The following MARK3 variants were observed in gnomAD, a reference collection of about 807,000 sequenced individuals.
The protein encoded by MARK3 is microtubule affinity regulating kinase 3.
In MARK3, 46 loss-of-function variants were observed where a neutral mutation model predicts 90.1. The observed-to-expected ratio is 0.51, with a 90% CI of 0.40 to 0.65. MARK3 has a LOEUF of 0.65. MARK3 is among the 30% of genes least tolerant of loss of function. The probability of loss-of-function intolerance (pLI) is 0.00; values close to 1 mark genes in which losing one functional copy is unlikely to be tolerated. For missense variants in MARK3, 818 were observed against 947.2 expected, an observed-to-expected ratio of 0.86 and a Z score of 1.79; for synonymous variants, 321 against 332.6, an observed-to-expected ratio of 0.97 and a Z score of 0.38.
At chr14:103,426,065 G>A (rs1038721373) in intron 2 of MARK3, among the ~76,000 whole-genome samples, 1 of 152,164 alleles carries the variant, frequency 6.6e-6, no homozygotes, top group East Asian at 1.9e-4. Context: ...GGAGTCTGCC[G>A]AGTCAAAACT....
chr14:103,401,254 C>T (rs531845228), intron 1 of MARK3, among the ~76,000 whole-genome samples: 19 of 152,196 alleles, frequency 1.2e-4, no homozygotes, highest in South Asian at 8.3e-4. Context: ...TTAAGGACTT[C>T]GTCAAGAAAC....
chr14:103,491,029 C>T (rs910525692), intron 14 of MARK3: 2 of 1,288,326 alleles, frequency 1.6e-6, no homozygotes, highest in African/African-American at 3.0e-5. Flanking sequence ...CATCAGAAGT[C>T]GATGTCCATG....
chr14:103,457,825 T>C (rs1007986209), intron 6 of MARK3, among the ~76,000 whole-genome samples: 2 of 152,250 alleles, frequency 1.3e-5, no homozygotes, highest in African/African-American at 2.4e-5. Context: ...AGGACTGTTA[T>C]ATCCATTTGC....
chr14:103,467,952 G>A lies in MARK3; in HGVS notation c.1111-81G>A, dbSNP rs74521165. The A allele has an allele frequency of 7.7e-4, 1,064 of 1,385,594 alleles. 13 individuals carry two copies. In the East Asian group the frequency reaches 0.022, roughly 29 times the overall value. The allele number at this position is 1,385,594 out of a possible 1,614,324, so 85.8% of individuals were successfully genotyped here. ...TGAATGAACGGTTTATGAGAGGTCT[G>A]TGTTAATGAAAAGTTTAACTTCCTA... On this transcript the variant is annotated intron_variant, in intron 11 of 17. Transcript: ENST00000429436.
chr14:103,386,534 G>A (rs541885970), intron 1 of MARK3: 11 of 386,426 alleles, frequency 2.8e-5, no homozygotes, highest in Admixed American at 3.3e-5. Context: ...CAAGTGGGCG[G>A]TCTCGTTCTT....
At position 103,467,066 on chromosome 14, in the gene MARK3, G is replaced by T. The variant is rs750389876; in HGVS notation, c.998-13G>T. 3 of 1,172,102 alleles carry T rather than the reference G, an allele frequency of 2.6e-6. No individual in the cohort carries two copies. The highest frequency in any genetic ancestry group is 1.5e-5 in the African/African-American group (1 of 65,038). 72.6% of individuals were successfully genotyped at this position (1,172,102 alleles called of 1,614,324 possible). ...AAACAAAACACATAAACTGTATTAT[G>T]CCCTTCTTTTAGATATTATGGTGGG... On this transcript the variant is annotated splice_polypyrimidine_tract_variant and intron_variant, in intron 10 of 17. Coordinates refer to ENST00000429436, the MANE Select transcript of MARK3 (RefSeq NM_001128918.3).
intron 1 of MARK3, among the ~76,000 whole-genome samples, chr14:103,389,789 C>A (rs1217476178): frequency 1.4e-5 from 2 of 147,656 alleles, no homozygotes; most frequent in South Asian, 2.2e-4. Context: ...ACTAAAAATA[C>A]AAAAATTAGC....
Position 103,458,477 on chromosome 14 carries a change from A to C in MARK3, c.483+1265A>C, listed in dbSNP as rs1238585010. 1.7e-4 allele frequency among the ~76,000 whole-genome samples: 19 copies of C among 113,502 alleles called. 1 individual carries two copies. The highest frequency in any genetic ancestry group is 6.2e-4 in the African/African-American group (19 of 30,704). 74.5% of individuals were successfully genotyped at this position (113,502 alleles called of 152,430 possible). ...CTCAAAAAAAAAAAAAAAAAAAAAG[A>C]AGCAGCAGCTGTAGACAATACCAAA... On this transcript the variant is annotated intron_variant, in intron 6 of 17. Transcript: ENST00000429436.
In MARK3 at chr14:103,465,958, G is replaced by A. The variant is rs142980698; in HGVS notation, c.778-14G>A. 4 of 1,609,652 alleles carry A rather than the reference G, an allele frequency of 2.5e-6. No individual in the cohort carries two copies. The highest frequency in any genetic ancestry group is 3.4e-5 in the Admixed American group (2 of 58,876). On this transcript the variant is annotated splice_polypyrimidine_tract_variant and intron_variant, in intron 8 of 17. Coordinates refer to ENST00000429436, the MANE Select transcript of MARK3 (RefSeq NM_001128918.3). ...TTGACTTACTCGTTTTCTTTCCTCT[G>A]TACCTCTCCAAAGGAACTGAGAGAG...
At chr14:103,432,697 AT>A (rs1434793163) in intron 3 of MARK3, among the ~76,000 whole-genome samples, 1 of 152,136 alleles carries the variant, frequency 6.6e-6, no homozygotes, top group East Asian at 1.9e-4. Context: ...CAAAAAAAAA[AT>A]TAAATAAATT....
chr14:103,464,292 T>TC (rs2093460820), intron 7 of MARK3, among the ~76,000 whole-genome samples: 1 of 4,524 alleles, frequency 2.2e-4, no homozygotes, highest in Non-Finnish European at 7.1e-4. Context: ...TTTGTCTCTT[T>TC]TTTTTTTTTT....
intron 1 of MARK3, among the ~76,000 whole-genome samples, chr14:103,390,511 C>T (rs953842314): frequency 6.6e-6 from 1 of 151,904 alleles, no homozygotes; most frequent in Admixed American, 6.6e-5. Flanking sequence ...CTTTTGGCTT[C>T]CCCGGGCCAC....
chr14:103,415,193 A>G (rs2091892635), intron 2 of MARK3, among the ~76,000 whole-genome samples: 2 of 146,824 alleles, frequency 1.4e-5, no homozygotes, highest in Non-Finnish European at 3.0e-5. Flanking sequence ...ATGAAAAACT[A>G]TATGTTCGTT....
At chr14:103,413,758 A>C (rs1260656022) in intron 2 of MARK3, among the ~76,000 whole-genome samples, 2 of 152,036 alleles carry the variant, frequency 1.3e-5, no homozygotes, top group Non-Finnish European at 2.9e-5. Context: ...ACGCCTGGTC[A>C]GTTGTCTTTT....
At chr14:103,460,865 A>G (rs554860757) in intron 6 of MARK3, among the ~76,000 whole-genome samples, 10 of 152,356 alleles carry the variant, frequency 6.6e-5, no homozygotes, top group African/African-American at 2.4e-4. Flanking sequence ...GAATAGAACA[A>G]TAGTGATAAA....
Position 103,503,530 on chromosome 14 carries a change from G to T in MARK3, c.*303G>T. 2.8e-6 allele frequency: 1 copy of T among 351,708 alleles called. No individual in the cohort carries two copies. The highest frequency in any genetic ancestry group is 3.8e-5 in the South Asian group (1 of 26,252). The allele number at this position is 351,708 out of a possible 1,614,324, so 21.8% of individuals were successfully genotyped here. Reference sequence around the variant, plus strand: ...AGAGTGGACGGTATGTGTGTGAAGTGGTGTATATGGAAGCATCTCCCTACA... The same window carrying T: ...AGAGTGGACGGTATGTGTGTGAAGTTGTGTATATGGAAGCATCTCCCTACA... On this transcript the variant is annotated 3_prime_UTR_variant, in exon 18 of 18. Transcript: ENST00000429436.
At chr14:103,458,454 CAAAAAAAAAAA>C (rs36020485) in intron 6 of MARK3, among the ~76,000 whole-genome samples, 13 of 30,776 alleles carry the variant, frequency 4.2e-4, no homozygotes, top group Non-Finnish European at 7.0e-4. Flanking sequence ...GACTCCATCT[CAAAAAAAAAAA>C]AAAAAAAAAA....
intron 2 of MARK3, among the ~76,000 whole-genome samples, chr14:103,410,739 T>C (rs1325511871): frequency 6.6e-6 from 1 of 152,174 alleles, no homozygotes; most frequent in Admixed American, 6.5e-5. Flanking sequence ...TTATATCCTT[T>C]ATTCATTTTT....
intron 5 of MARK3, among the ~76,000 whole-genome samples, chr14:103,456,294 G>A (rs996356654): frequency 6.6e-6 from 1 of 152,158 alleles, no homozygotes; most frequent in Non-Finnish European, 1.5e-5. Context: ...TTCCCCGCTA[G>A]CAGCCAGTGA....
Sources: gnomAD v4.1 joint callset for allele counts (sites outside exome capture counted in the v4.1 genomes callset) on GRCh38, gnomAD v4.1.1 for gene constraint, MANE v1.5 for transcripts, NCBI Gene and HGNC (gene_info 2026-07-23, HGNC 2026-07-21) for gene names.